The following CCDC85A variants were observed in gnomAD, a reference collection of about 807,000 sequenced individuals.
CCDC85A encodes the protein coiled-coil domain containing 85A, also known as coiled-coil domain-containing protein 85A.
Under a neutral mutation model 50.2 loss-of-function variants are expected in CCDC85A, and 38 were observed. The observed-to-expected ratio is 0.76, with a 90% CI of 0.58 to 0.99. The LOEUF is 0.99. Ranked by LOEUF, CCDC85A falls within the 50% of genes least tolerant of loss-of-function variation. CCDC85A has a pLI of 0.00. For synonymous variants in CCDC85A, 366 were observed against 301.4 expected (o/e 1.21, Z -2.22); for missense variants, 820 against 742.0 (o/e 1.11, Z -1.22).
intron 2 of CCDC85A, among the ~76,000 whole-genome samples, chr2:56,256,544 G>A (rs1175881961): frequency 6.6e-6 from 1 of 152,200 alleles, no homozygotes; most frequent in African/African-American, 2.4e-5. Context: ...GGAATGAATT[G>A]TACCGATTGG....
At chr2:56,360,830 A>G (rs1558658690) in intron 3 of CCDC85A, among the ~76,000 whole-genome samples, 1 of 152,262 alleles carries the variant, frequency 6.6e-6, no homozygotes, top group Non-Finnish European at 1.5e-5. Flanking sequence ...AAACAGAAGC[A>G]GTGACCTCAC....
At chr2:56,334,020 A>G (rs1316857337) in intron 2 of CCDC85A, among the ~76,000 whole-genome samples, 1 of 152,156 alleles carries the variant, frequency 6.6e-6, no homozygotes, top group Non-Finnish European at 1.5e-5. Flanking sequence ...CTCTTCTCCA[A>G]GATCTTTGCA....
chr2:56,279,068 T>C (rs1671088073), intron 2 of CCDC85A, among the ~76,000 whole-genome samples: 2 of 152,202 alleles, frequency 1.3e-5, no homozygotes, highest in African/African-American at 4.8e-5. Flanking sequence ...TTGGAGGCTC[T>C]GTGCTCCACA....
intron 3 of CCDC85A, among the ~76,000 whole-genome samples, chr2:56,345,700 G>A (rs1023098244): frequency 1.4e-4 from 22 of 152,162 alleles, no homozygotes; most frequent in Non-Finnish European, 2.9e-4. Context: ...AATTCTCATG[G>A]GAGACTGAGA....
chr2:56,377,287 C>G (rs1053385294), intron 5 of CCDC85A, among the ~76,000 whole-genome samples: 7 of 152,262 alleles, frequency 4.6e-5, no homozygotes, highest in African/African-American at 1.7e-4. Flanking sequence ...ATATCTTGTT[C>G]TCTGTGGCAG....
chr2:56,221,753 G>A (rs1668337291), intron 2 of CCDC85A, among the ~76,000 whole-genome samples: 2 of 152,002 alleles, frequency 1.3e-5, no homozygotes, highest in Admixed American at 1.3e-4. Context: ...AATTTGTTAG[G>A]TTATAAATTT....
At chr2:56,288,816 G>A (rs1161635224) in intron 2 of CCDC85A, among the ~76,000 whole-genome samples, 1 of 152,154 alleles carries the variant, frequency 6.6e-6, no homozygotes. Context: ...CCTAGTCAGT[G>A]AACCTTGAAA....
chr2:56,331,000 A>C (rs1020746657), intron 2 of CCDC85A, among the ~76,000 whole-genome samples: 1 of 151,792 alleles, frequency 6.6e-6, no homozygotes, highest in African/African-American at 2.4e-5. Flanking sequence ...TGATTGAATA[A>C]AGGAAATGTG....
At chr2:56,271,211 G>A (rs963910391) in intron 2 of CCDC85A, among the ~76,000 whole-genome samples, 1 of 152,162 alleles carries the variant, frequency 6.6e-6, no homozygotes, top group South Asian at 2.1e-4. Context: ...AGTTATGTAG[G>A]GCTATAGAGT....
intron 2 of CCDC85A, among the ~76,000 whole-genome samples, chr2:56,217,021 A>G: frequency 6.6e-6 from 1 of 151,934 alleles, no homozygotes; most frequent in East Asian, 1.9e-4. Context: ...TGTCATGCAC[A>G]GCAAAGTTGC....
chr2:56,223,752 C>T (rs1024602003), intron 2 of CCDC85A, among the ~76,000 whole-genome samples: 2 of 152,102 alleles, frequency 1.3e-5, no homozygotes, highest in Admixed American at 6.6e-5. Context: ...TTCTGACCAT[C>T]AATGTTTTTG....
At chr2:56,275,663 A>G (rs1276861485) in intron 2 of CCDC85A, among the ~76,000 whole-genome samples, 1 of 152,226 alleles carries the variant, frequency 6.6e-6, no homozygotes, top group Non-Finnish European at 1.5e-5. Context: ...GTAATGTTCT[A>G]GTTTTAATCC....
intron 2 of CCDC85A, among the ~76,000 whole-genome samples, chr2:56,323,310 A>C (rs1335637790): frequency 6.6e-6 from 1 of 151,940 alleles, no homozygotes; most frequent in Non-Finnish European, 1.5e-5. Context: ...TAAAAAAAGA[A>C]CTCAGTTGCA....
chr2:56,293,305 T>C (rs541340768), intron 2 of CCDC85A, among the ~76,000 whole-genome samples: 3 of 152,280 alleles, frequency 2.0e-5, no homozygotes, highest in Admixed American at 6.5e-5. Flanking sequence ...ACGCCTTCCT[T>C]ACACCATATA....
At chr2:56,190,122 A>G (rs746627623) in intron 1 of CCDC85A, among the ~76,000 whole-genome samples, 7 of 152,320 alleles carry the variant, frequency 4.6e-5, no homozygotes, top group East Asian at 3.9e-4. Context: ...TTTTTAGTCT[A>G]TGTTAAGGGC....
At chr2:56,249,806 A>T (rs943217249) in intron 2 of CCDC85A, among the ~76,000 whole-genome samples, 1 of 152,166 alleles carries the variant, frequency 6.6e-6, no homozygotes, top group African/African-American at 2.4e-5. Flanking sequence ...CTGTGTCTAC[A>T]CCTGGGCCCT....
intron 3 of CCDC85A, among the ~76,000 whole-genome samples, chr2:56,349,611 ACTT>A (rs768057332): frequency 2.5e-4 from 38 of 152,180 alleles, no homozygotes; most frequent in Non-Finnish European, 5.1e-4. Context: ...TTATTTGAGA[ACTT>A]CTGATACATG....
intron 1 of CCDC85A, among the ~76,000 whole-genome samples, chr2:56,187,169 G>A (rs1351335237): frequency 6.6e-6 from 1 of 152,136 alleles, no homozygotes; most frequent in African/African-American, 2.4e-5. Context: ...ATTTATTTTG[G>A]CTTAACTGGA....
intron 3 of CCDC85A, among the ~76,000 whole-genome samples, chr2:56,344,981 T>TA (rs1395911513): frequency 1.4e-4 from 22 of 152,114 alleles, no homozygotes; most frequent in African/African-American, 5.3e-4. Context: ...GGCTGATTCT[T>TA]AAAAACCTGT....
Sources: gnomAD v4.1 joint callset for allele counts (sites outside exome capture counted in the v4.1 genomes callset) on GRCh38, gnomAD v4.1.1 for gene constraint, MANE v1.5 for transcripts, NCBI Gene and HGNC (gene_info 2026-07-23, HGNC 2026-07-21) for gene names.